The following PAX5 variants were observed in gnomAD, a reference collection of about 807,000 sequenced individuals.
The protein encoded by PAX5 is paired box 5.
Under a neutral mutation model 43.7 loss-of-function variants are expected in PAX5, and 9 were observed. The ratio of observed to expected loss-of-function variants is 0.21; its 90% CI spans 0.12 to 0.36. The LOEUF (loss-of-function observed/expected upper bound fraction) is 0.36. Among genes scored for constraint, PAX5 ranks in the 10% least tolerant of loss-of-function variants. The probability of loss-of-function intolerance (pLI) is 1.00; values close to 1 mark genes in which losing one functional copy is unlikely to be tolerated. For missense variants in PAX5, 383 were observed against 532.7 expected (o/e 0.72, Z 2.77); for synonymous variants, 228 against 214.3 (o/e 1.06, Z -0.56).
intron 7 of PAX5, among the ~76,000 whole-genome samples, chr9:36,915,313 A>C (rs1374291775): frequency 1.3e-5 from 2 of 152,264 alleles, no homozygotes; most frequent in Non-Finnish European, 2.9e-5. Flanking sequence ...AGATTGCATC[A>C]ATGTATGCTC....
intron 8 of PAX5, among the ~76,000 whole-genome samples, chr9:36,848,638 T>A (rs1822837789): frequency 6.6e-6 from 1 of 152,124 alleles, no homozygotes; most frequent in Non-Finnish European, 1.5e-5. Context: ...CCCTCGGGAC[T>A]CTGAGCACCC....
At position 37,019,997 on chromosome 9, in the gene PAX5, AC is replaced by A. The variant is rs374627487; in HGVS notation, c.212+638del. 2.2e-3 allele frequency among the ~76,000 whole-genome samples: 330 copies of A among 152,322 alleles called. 4 individuals are homozygous for A. Among genetic ancestry groups the A allele is most frequent in the African/African-American group, 7.4e-3 (306 of 41,568 alleles). Reference sequence around the variant, plus strand: ...ATAAACGGGAGTGCTAAAAGGCTGCACGGTCCTATGGGAGAAGCCTCATTGT... The same window carrying A: ...ATAAACGGGAGTGCTAAAAGGCTGCAGGTCCTATGGGAGAAGCCTCATTGT... On this transcript the variant is annotated intron_variant, in intron 2 of 9. Transcript: ENST00000358127.
At chr9:36,918,698 C>T (rs1479705211) in intron 7 of PAX5, among the ~76,000 whole-genome samples, 1 of 152,130 alleles carries the variant, frequency 6.6e-6, no homozygotes, top group Non-Finnish European at 1.5e-5. Flanking sequence ...CCAGCCACAA[C>T]ATTCCCTTTA....
chr9:36,964,868 C>T (rs934361389), intron 6 of PAX5, among the ~76,000 whole-genome samples: 7 of 152,142 alleles, frequency 4.6e-5, no homozygotes, highest in African/African-American at 1.7e-4. Flanking sequence ...AGGTGTCACT[C>T]GACTTGTAAG....
chr9:36,854,200 C>G (rs1823424455), intron 8 of PAX5, among the ~76,000 whole-genome samples: 2 of 152,186 alleles, frequency 1.3e-5, no homozygotes, highest in Admixed American at 1.3e-4. Context: ...GCATGAAATG[C>G]CTGGTGGCTC....
At chr9:36,932,522 A>G (rs751427400) in intron 6 of PAX5, among the ~76,000 whole-genome samples, 1 of 152,210 alleles carries the variant, frequency 6.6e-6, no homozygotes, top group Non-Finnish European at 1.5e-5. Flanking sequence ...GAAGTGGCAA[A>G]TCTACAAGCA....
At chr9:36,911,260 T>C (rs760460860) in intron 7 of PAX5, among the ~76,000 whole-genome samples, 9 of 152,172 alleles carry the variant, frequency 5.9e-5, no homozygotes, top group African/African-American at 2.2e-4. Flanking sequence ...ACTCCCGGCC[T>C]GGCACAGAGC....
intron 7 of PAX5, among the ~76,000 whole-genome samples, chr9:36,896,699 CT>C (rs1174687485): frequency 6.6e-6 from 1 of 152,192 alleles, no homozygotes; most frequent in Non-Finnish European, 1.5e-5. Flanking sequence ...ACTGCTGGTT[CT>C]GGGTCTCGGT....
At chr9:36,942,428 A>G (rs1244293059) in intron 6 of PAX5, among the ~76,000 whole-genome samples, 1 of 152,250 alleles carries the variant, frequency 6.6e-6, no homozygotes, top group Admixed American at 6.5e-5. Flanking sequence ...TTGCCTTCAT[A>G]TCACAGAAGC....
At chr9:37,030,493 G>C (rs973776096) in intron 1 of PAX5, among the ~76,000 whole-genome samples, 1 of 152,186 alleles carries the variant, frequency 6.6e-6, no homozygotes, top group Admixed American at 6.5e-5. Flanking sequence ...CTCTCACCGC[G>C]GCTCTCAACG....
intron 6 of PAX5, among the ~76,000 whole-genome samples, chr9:36,958,250 C>T (rs1833662667): frequency 6.6e-6 from 1 of 151,744 alleles, no homozygotes; most frequent in African/African-American, 2.4e-5. Flanking sequence ...CCTCACTGGT[C>T]TACCCACTGA....
chr9:37,009,375 A>G (rs1357428654), intron 3 of PAX5, among the ~76,000 whole-genome samples: 2 of 152,180 alleles, frequency 1.3e-5, no homozygotes, highest in African/African-American at 4.8e-5. Flanking sequence ...ATCTCATAGG[A>G]TTACTATTAG....
At chr9:36,963,877 T>G (rs1834180329) in intron 6 of PAX5, among the ~76,000 whole-genome samples, 1 of 152,170 alleles carries the variant, frequency 6.6e-6, no homozygotes, top group Non-Finnish European at 1.5e-5. Flanking sequence ...CTGGGTGACC[T>G]CAGACATGCC....
intron 5 of PAX5, among the ~76,000 whole-genome samples, chr9:36,993,442 A>C (rs568442821): frequency 6.6e-6 from 1 of 152,112 alleles, no homozygotes; most frequent in Non-Finnish European, 1.5e-5. Flanking sequence ...TAATGCCAAG[A>C]GGACTTGAGA....
intron 6 of PAX5, among the ~76,000 whole-genome samples, chr9:36,944,065 T>TC (rs1832289725): frequency 6.6e-6 from 1 of 152,186 alleles, no homozygotes; most frequent in African/African-American, 2.4e-5. Flanking sequence ...ACACCTGTAG[T>TC]CCCACCTGCT....
intron 7 of PAX5, among the ~76,000 whole-genome samples, chr9:36,888,655 A>G (rs371791970): frequency 6.4e-4 from 98 of 152,352 alleles, no homozygotes; most frequent in Middle Eastern, 3.4e-3. Flanking sequence ...AAGGGAAGAT[A>G]TAAAGTCTCA....
At chr9:36,989,625 G>T (rs1312613533) in intron 5 of PAX5, among the ~76,000 whole-genome samples, 2 of 152,208 alleles carry the variant, frequency 1.3e-5, no homozygotes, top group African/African-American at 4.8e-5. Context: ...ACAGGCACCA[G>T]TATCCATATG....
rs141731714 is a variant in PAX5, at chr9:36,843,281, T to A, written c.1100-2645A>T. 4.0e-3 allele frequency among the ~76,000 whole-genome samples: 613 copies of A among 152,202 alleles called. 6 individuals carry two copies. The highest frequency in any genetic ancestry group is 0.014 in the African/African-American group (571 of 41,504). On this transcript the variant is annotated intron_variant, in intron 9 of 9. Coordinates refer to ENST00000358127, the MANE Select transcript of PAX5 (RefSeq NM_016734.3). ...ATAACCCATCTAGGTCTACCTGCCC[T>A]GGGGTATTCTCTCAGGCCACGCTGA...
At chr9:37,024,560 G>A (rs1840135529) in intron 1 of PAX5, among the ~76,000 whole-genome samples, 2 of 152,344 alleles carry the variant, frequency 1.3e-5, no homozygotes, top group South Asian at 2.1e-4. Flanking sequence ...CAAGAAAACA[G>A]CTTTGGGCCT....
Sources: gnomAD v4.1 joint callset for allele counts (sites outside exome capture counted in the v4.1 genomes callset) on GRCh38, gnomAD v4.1.1 for gene constraint, MANE v1.5 for transcripts, NCBI Gene and HGNC (gene_info 2026-07-23, HGNC 2026-07-21) for gene names.